The following CASK variants were observed in gnomAD, a reference collection of about 807,000 sequenced individuals.
CASK encodes the protein peripheral plasma membrane protein CASK.
CASK carries 4 observed loss-of-function variants against 82.9 expected under a neutral mutation model. The ratio of observed to expected loss-of-function variants is 0.05; its 90% CI spans 0.02 to 0.11. The LOEUF (loss-of-function observed/expected upper bound fraction) is 0.11. Among genes scored for constraint, CASK ranks in the 10% least tolerant of loss-of-function variants. The pLI is 1.00. For synonymous variants in CASK, 259 were observed against 253.5 expected (o/e 1.02, Z -0.20); for missense variants, 358 against 720.9 (o/e 0.50, Z 5.76).
chrX:41,742,434 AGTTT>A lies in CASK; in HGVS notation c.357-2982_357-2979del, dbSNP rs1460422312. On this transcript the variant is annotated intron_variant, in intron 4 of 26. Transcript: ENST00000378163. ...GGTACTAGTTAAGAAGATCTCTGAG[AGTTT>A]GATTTGATAATCTGATCTTGTGTGT... Among the ~76,000 whole-genome samples, 17 of 111,432 alleles carry A rather than the reference AGTTT, an allele frequency of 1.5e-4. No homozygotes were observed. In the Admixed American group the frequency reaches 1.6e-3, roughly 11 times the overall value.
rs1195360413 is a variant in CASK, at chrX:41,557,459, C to T, written c.1738-359G>A. Among the ~76,000 whole-genome samples the T allele has an allele frequency of 2.7e-5, 3 of 111,223 alleles. No individual in the cohort carries two copies. The East Asian group carries it at 8.4e-4, about 31-fold the overall frequency. ...TTATCGTGCTGAAGATCCCAACTGC[C>T]TAATTTTTATTAAAGATTAGGTTTG... On this transcript the variant is annotated intron_variant, in intron 18 of 26. Coordinates refer to ENST00000378163, the MANE Select transcript of CASK (RefSeq NM_001367721.1).
intron 21 of CASK, among the ~76,000 whole-genome samples, chrX:41,546,898 A>G: frequency 9.0e-6 from 1 of 111,540 alleles, no homozygotes; most frequent in Non-Finnish European, 1.9e-5. Context: ...TGCTTTGACA[A>G]TTATTAGTCA....
At chrX:41,623,556 C>T (rs886856077) in intron 10 of CASK, among the ~76,000 whole-genome samples, 3 of 110,724 alleles carry the variant, frequency 2.7e-5, no homozygotes, top group Non-Finnish European at 5.7e-5. Flanking sequence ...ATTACAGGCG[C>T]GTGGCCATCA....
chrX:41,599,442 C>T (rs1348810370), intron 12 of CASK, among the ~76,000 whole-genome samples: 2 of 111,831 alleles, frequency 1.8e-5, no homozygotes, highest in Admixed American at 1.9e-4. Context: ...TGGGCCAGTA[C>T]AAGATTTCCT....
chrX:41,778,068 T>C (rs1232423251), intron 3 of CASK, among the ~76,000 whole-genome samples: 2 of 111,949 alleles, frequency 1.8e-5, no homozygotes, highest in Non-Finnish European at 3.8e-5. Context: ...TTTAATGGTA[T>C]AGCAAAATGC....
rs2147418291 is a variant in CASK, at chrX:41,648,550, ATCCTACCAACGTGTGACGTC to A, written c.831+11869_831+11888del. Among the ~76,000 whole-genome samples, 3 of 111,414 alleles carry A rather than the reference ATCCTACCAACGTGTGACGTC, an allele frequency of 2.7e-5. 1 individual carries two copies. In the South Asian group the frequency reaches 1.1e-3, roughly 43 times the overall value. ...TTTTGTGGCTCGAAAGGCATCACAG[ATCCTACCAACGTGTGACGTC>A]TCCCCTGGATGCCCAGCTTTAAAAT... is the stretch of plus-strand genomic sequence containing the variant. On this transcript the variant is annotated intron_variant, in intron 8 of 26. Coordinates refer to ENST00000378163, the MANE Select transcript of CASK (RefSeq NM_001367721.1).
intron 2 of CASK, among the ~76,000 whole-genome samples, chrX:41,824,983 T>C (rs1261368907): frequency 8.9e-6 from 1 of 111,886 alleles, no homozygotes; most frequent in Non-Finnish European, 1.9e-5. Context: ...TCAAATTAAA[T>C]TACTATTGAA....
At chrX:41,673,485 T>G (rs1203260778) in intron 5 of CASK, among the ~76,000 whole-genome samples, 2 of 111,668 alleles carry the variant, frequency 1.8e-5, no homozygotes, top group East Asian at 5.6e-4. Flanking sequence ...TAAAGCCAGG[T>G]AGTATTACTT....
At position 41,844,449 on chromosome X, in the gene CASK, T is replaced by C. The variant is rs137886723; in HGVS notation, c.172+8666A>G. Among the ~76,000 whole-genome samples the C allele has an allele frequency of 1.6e-3, 175 of 111,780 alleles. 1 individual carries two copies. The highest frequency in any genetic ancestry group is 5.5e-3 in the African/African-American group (171 of 30,840). On this transcript the variant is annotated intron_variant, in intron 2 of 26. Transcript: ENST00000378163. ...GAGTCAGTTTTGGTAGTTTGCCTCT[T>C]TCTAGGAATTAGCTCATTTAATCTA...
intron 5 of CASK, among the ~76,000 whole-genome samples, chrX:41,734,105 G>T (rs1199182962): frequency 8.9e-6 from 1 of 112,067 alleles, no homozygotes; most frequent in Non-Finnish European, 1.9e-5. Flanking sequence ...GGCTGAGTGT[G>T]TGTGTGACTG....
intron 5 of CASK, among the ~76,000 whole-genome samples, chrX:41,684,405 A>T (rs755760595): frequency 8.9e-6 from 1 of 112,116 alleles, no homozygotes; most frequent in Non-Finnish European, 1.9e-5. Context: ...AAACCCAAAG[A>T]GGGACATTCT....
At chrX:41,708,872 TC>T (rs1410605507) in intron 5 of CASK, among the ~76,000 whole-genome samples, 1 of 111,423 alleles carries the variant, frequency 9.0e-6, no homozygotes, top group Admixed American at 9.6e-5. Flanking sequence ...GTTTTTTTTT[TC>T]TCCAGATATT....
chrX:41,921,104 AT>A (rs745596577), intron 1 of CASK, among the ~76,000 whole-genome samples: 1 of 112,276 alleles, frequency 8.9e-6, no homozygotes, highest in Non-Finnish European at 1.9e-5. Context: ...GGGAAACTGA[AT>A]TTTGAATTGT....
intron 3 of CASK, among the ~76,000 whole-genome samples, chrX:41,755,099 G>C (rs1402439262): frequency 9.1e-6 from 1 of 110,445 alleles, no homozygotes; most frequent in South Asian, 3.9e-4. Context: ...GGATGGTCTT[G>C]ATTTCTTGAC....
chrX:41,774,384 C>T (rs1354342294), intron 3 of CASK, among the ~76,000 whole-genome samples: 1 of 111,138 alleles, frequency 9.0e-6, no homozygotes, highest in Non-Finnish European at 1.9e-5. Flanking sequence ...TTACAAGGGA[C>T]GTGAAGGACA....
chrX:41,591,685 C>T (rs986766507), intron 12 of CASK, among the ~76,000 whole-genome samples: 90 of 110,389 alleles, frequency 8.2e-4, no homozygotes, highest in African/African-American at 2.9e-3. Flanking sequence ...CCATGTTGGC[C>T]AGGCTGGTCT....
intron 1 of CASK, among the ~76,000 whole-genome samples, chrX:41,888,754 TATGTATGTGTATATATGTATATATAC>T (rs1254655327): frequency 3.1e-5 from 3 of 97,157 alleles, no homozygotes; most frequent in African/African-American, 7.3e-5. Context: ...TATATATGTA[TATGTATGTGTATATATGTATATATAC>T]ATGTATGTGT....
chrX:41,865,842 G>A lies in CASK; in HGVS notation c.60-12615C>T, dbSNP rs140209721. ...GGACTCCCACTCAATCCCTGCTGAT[G>A]CCATCTGCAGGGATAAAAGGTACTT... On this transcript the variant is annotated intron_variant, in intron 1 of 26. Transcript: ENST00000378163. Among the ~76,000 whole-genome samples the A allele has an allele frequency of 1.1e-3, 120 of 111,811 alleles. 1 individual carries two copies. In the South Asian group the frequency reaches 0.043, roughly 40 times the overall value.
At chrX:41,741,005 C>A (rs2068589073) in intron 4 of CASK, among the ~76,000 whole-genome samples, 1 of 111,726 alleles carries the variant, frequency 9.0e-6, no homozygotes, top group African/African-American at 3.3e-5. Context: ...GCCTCAGCCT[C>A]CCAAGTAGCT....
Sources: gnomAD v4.1 joint callset for allele counts (sites outside exome capture counted in the v4.1 genomes callset) on GRCh38, gnomAD v4.1.1 for gene constraint, MANE v1.5 for transcripts, NCBI Gene and HGNC (gene_info 2026-07-23, HGNC 2026-07-21) for gene names.